Variants in FGF10 observed in about 807,000 individuals in gnomAD.
The protein encoded by FGF10 is fibroblast growth factor 10.
Under a neutral mutation model 19.8 loss-of-function variants are expected in FGF10, and 2 were observed. The observed-to-expected ratio is 0.10, with a 90% CI of 0.04 to 0.32. The LOEUF (loss-of-function observed/expected upper bound fraction) is 0.32. Ranked by LOEUF, FGF10 falls within the 10% of genes least tolerant of loss-of-function variation. The pLI is 1.00. For synonymous variants in FGF10, 112 were observed against 94.0 expected (o/e 1.19, Z -1.10); for missense variants, 191 against 246.3 (o/e 0.78, Z 1.50).
intron 1 of FGF10, among the ~76,000 whole-genome samples, chr5:44,332,756 T>A (rs985310653): frequency 6.6e-6 from 1 of 152,096 alleles, no homozygotes; most frequent in Non-Finnish European, 1.5e-5. Context: ...CTTTGGTATA[T>A]AATTACTTTA....
chr5:44,344,128 CTGGTCAGAG>C (rs1158738481), intron 1 of FGF10, among the ~76,000 whole-genome samples: 1 of 151,836 alleles, frequency 6.6e-6, no homozygotes, highest in East Asian at 2.0e-4. Context: ...GGCCAGAGAT[CTGGTCAGAG>C]TGCAAGCAAA....
At chr5:44,313,668 T>G (rs918940314) in intron 1 of FGF10, among the ~76,000 whole-genome samples, 1 of 152,004 alleles carries the variant, frequency 6.6e-6, no homozygotes, top group African/African-American at 2.4e-5. Context: ...TTCCCATTCA[T>G]GTAAAACAGA....
At chr5:44,376,330 G>T (rs1264421988) in intron 1 of FGF10, among the ~76,000 whole-genome samples, 2 of 151,620 alleles carry the variant, frequency 1.3e-5, no homozygotes, top group African/African-American at 4.8e-5. Context: ...AGTGTCAGTA[G>T]GGGGGTGTAG....
intron 1 of FGF10, among the ~76,000 whole-genome samples, chr5:44,322,473 C>T (rs1427181869): frequency 6.6e-6 from 1 of 152,144 alleles, no homozygotes; most frequent in Non-Finnish European, 1.5e-5. Context: ...GAGTATTACT[C>T]AAAAGACCCC....
chr5:44,363,770 A>G (rs1393347594), intron 1 of FGF10, among the ~76,000 whole-genome samples: 1 of 151,912 alleles, frequency 6.6e-6, no homozygotes, highest in African/African-American at 2.4e-5. Flanking sequence ...TTAACTTAGA[A>G]GGTGGGCAAT....
At chr5:44,335,639 T>C (rs930028105) in intron 1 of FGF10, among the ~76,000 whole-genome samples, 2 of 152,108 alleles carry the variant, frequency 1.3e-5, no homozygotes, top group Non-Finnish European at 2.9e-5. Flanking sequence ...TGGAAGCTAA[T>C]TATGGAAAAC....
chr5:44,381,719 A>G (rs1024522918), intron 1 of FGF10, among the ~76,000 whole-genome samples: 2 of 152,362 alleles, frequency 1.3e-5, no homozygotes, highest in African/African-American at 4.8e-5. Context: ...AAGCATGTTA[A>G]CACAAGGTCC....
At position 44,381,687 on chromosome 5, in the gene FGF10, A is replaced by T. The variant is rs1026986340; in HGVS notation, c.325+6671T>A. On this transcript the variant is annotated intron_variant, in intron 1 of 2. Coordinates refer to ENST00000264664, the MANE Select transcript of FGF10 (RefSeq NM_004465.2). ...AGGAGCAAAAAAGGTTAAGGATGAA[A>T]TAACATGTCTGCTTATCAGTAAAGC... Among the ~76,000 whole-genome samples, 5 of 152,190 alleles carry T rather than the reference A, an allele frequency of 3.3e-5. No homozygotes were observed. The South Asian group carries it at 1.0e-3, about 32-fold the overall frequency.
intron 1 of FGF10, among the ~76,000 whole-genome samples, chr5:44,349,265 C>T (rs936439776): frequency 2.0e-5 from 3 of 149,924 alleles, no homozygotes; most frequent in Non-Finnish European, 4.5e-5. Flanking sequence ...TCTCATCTGT[C>T]TTGCTGCTTA....
chr5:44,341,548 C>A (rs773861865), intron 1 of FGF10, among the ~76,000 whole-genome samples: 20 of 151,486 alleles, frequency 1.3e-4, no homozygotes, highest in Non-Finnish European at 2.8e-4. Flanking sequence ...TTATTTTAGT[C>A]TATTCTTTGA....
chr5:44,338,707 CT>C (rs1354250444), intron 1 of FGF10, among the ~76,000 whole-genome samples: 1 of 152,160 alleles, frequency 6.6e-6, no homozygotes, highest in African/African-American at 2.4e-5. Flanking sequence ...ATTTAAGTTT[CT>C]CTATAACTTT....
At chr5:44,323,077 T>C (rs2111733195) in intron 1 of FGF10, among the ~76,000 whole-genome samples, 1 of 152,214 alleles carries the variant, frequency 6.6e-6, no homozygotes, top group Non-Finnish European at 1.5e-5. Flanking sequence ...TTTTGGAAGG[T>C]CCTGGCTTTC....
In FGF10 at chr5:44,302,282, GCTTCCTTCCTTCCTTCCTTC is replaced by G. The variant is rs56194673; in HGVS notation, c.*2693_*2712del. 2.3e-3 allele frequency among the ~76,000 whole-genome samples: 278 copies of G among 122,208 alleles called. 1 individual carries two copies. Among genetic ancestry groups the G allele is most frequent in the African/African-American group, 6.0e-3 (187 of 31,154 alleles). The allele number at this position is 122,208 out of a possible 152,430, so 80.2% of individuals were successfully genotyped here. On this transcript the variant is annotated 3_prime_UTR_variant, in exon 3 of 3. Coordinates refer to ENST00000264664, the MANE Select transcript of FGF10 (RefSeq NM_004465.2). ...TCTTTCCTTCCTTCCTTCTTTCCTT[GCTTCCTTCCTTCCTTCCTTC>G]CTTCCTTCCTTCCTTCCTTCCTTCC...
chr5:44,380,744 G>T (rs1301517939), intron 1 of FGF10, among the ~76,000 whole-genome samples: 1 of 152,164 alleles, frequency 6.6e-6, no homozygotes, highest in Non-Finnish European at 1.5e-5. Flanking sequence ...CCTTTGGGTG[G>T]CCGAGGCTGG....
At chr5:44,382,191 G>T (rs1485171010) in intron 1 of FGF10, among the ~76,000 whole-genome samples, 3 of 152,142 alleles carry the variant, frequency 2.0e-5, no homozygotes, top group African/African-American at 7.2e-5. Flanking sequence ...CTGTCCAGTT[G>T]TCCACCTTAC....
intron 1 of FGF10, among the ~76,000 whole-genome samples, chr5:44,370,947 CA>C (rs1741728666): frequency 6.6e-6 from 1 of 151,968 alleles, no homozygotes; most frequent in Admixed American, 6.6e-5. Flanking sequence ...ATGTTAGTTT[CA>C]AAGAGTAAAT....
chr5:44,315,901 G>T (rs1045126737), intron 1 of FGF10, among the ~76,000 whole-genome samples: 18 of 152,132 alleles, frequency 1.2e-4, no homozygotes, highest in African/African-American at 3.9e-4. Context: ...CTTTAAAAAT[G>T]AAACAAAGTT....
At chr5:44,351,997 A>T (rs1178800489) in intron 1 of FGF10, among the ~76,000 whole-genome samples, 1 of 151,660 alleles carries the variant, frequency 6.6e-6, no homozygotes, top group East Asian at 1.9e-4. Flanking sequence ...CAGTAGTAAA[A>T]GAAACTAATA....
intron 1 of FGF10, among the ~76,000 whole-genome samples, chr5:44,349,342 C>A (rs1047755816): frequency 7.0e-6 from 1 of 143,850 alleles, no homozygotes; most frequent in African/African-American, 2.5e-5. Context: ...TTTACCACCA[C>A]TTTACAAATT....
Sources: gnomAD v4.1 joint callset for allele counts (sites outside exome capture counted in the v4.1 genomes callset) on GRCh38, gnomAD v4.1.1 for gene constraint, MANE v1.5 for transcripts, NCBI Gene and HGNC (gene_info 2026-07-23, HGNC 2026-07-21) for gene names.